Variants in RELN observed in about 807,000 individuals in gnomAD.
The protein encoded by RELN is reelin.
A neutral mutation model predicts 427.6 loss-of-function variants in RELN; 108 were observed. The observed-to-expected ratio is 0.25, with a 90% CI of 0.22 to 0.30. The LOEUF is 0.30. Ranked by LOEUF, RELN falls within the 10% of genes least tolerant of loss-of-function variation. The probability of loss-of-function intolerance (pLI) is 1.00; values close to 1 mark genes in which losing one functional copy is unlikely to be tolerated. For missense variants in RELN, 3,715 were observed against 4,302.8 expected, an observed-to-expected ratio of 0.86 and a Z score of 3.82; for synonymous variants, 1,524 against 1,513.4, an observed-to-expected ratio of 1.01 and a Z score of -0.16.
intron 29 of RELN, 52 bp downstream of exon 29, chr7:103,575,496 T>C (rs942751508): frequency 2.4e-5 from 37 of 1,539,144 alleles, no homozygotes; most frequent in Non-Finnish European, 3.1e-5. Flanking sequence ...ACACAGCAAC[T>C]AGAGATGACT....
At chr7:103,516,155 A>T (rs568679340) in intron 49 of RELN, among the ~76,000 whole-genome samples, 32 of 152,296 alleles carry the variant, frequency 2.1e-4, no homozygotes, top group African/African-American at 7.2e-4. Flanking sequence ...AATAAGGTCT[A>T]AAATGCCCTT....
Position 103,566,718 on chromosome 7 carries a change from G to A in RELN, c.4630C>T (p.His1544Tyr), listed in dbSNP as rs373010833. 1 of 1,614,102 alleles carries A rather than the reference G, an allele frequency of 6.2e-7. No homozygotes were observed. Among genetic ancestry groups the A allele is most frequent in the African/African-American group, 1.3e-5 (1 of 75,058 alleles). The change falls in exon 32 of 65, where the codon CAT (histidine) becomes TAT (tyrosine). Residue 1544 changes from histidine (H) to tyrosine (Y), a missense_variant. By Grantham distance (83) the His-to-Tyr change is moderately conservative. This residue lies in a region of RELN where 2,208 missense variants were observed against 2,361.7 expected (regional missense o/e 0.93). Coordinates refer to ENST00000428762, the MANE Select transcript of RELN (RefSeq NM_005045.4). The stretch of plus-strand genomic sequence containing the variant: ...ATGAAGTCCAACTCTCGAAGCAAAT[G>A]CCAGAGTATCCCATTGTCATTTGAA... Reference protein sequence around the residue: ...QYSNDNGILWHLLRELDFMSF... With the variant: ...QYSNDNGILWYLLRELDFMSF...
intron 64 of RELN, 173 bp from the exon 65 acceptor site, chr7:103,473,081 G>A (rs1586455392): frequency 1.4e-6 from 1 of 720,670 alleles, no homozygotes; most frequent in East Asian, 2.7e-5. Flanking sequence ...GGAACTAAAG[G>A]CTGGGACCTA....
At chr7:103,710,003 T>A (rs1789753541) in intron 8 of RELN, among the ~76,000 whole-genome samples, 1 of 152,174 alleles carries the variant, frequency 6.6e-6, no homozygotes, top group African/African-American at 2.4e-5. Context: ...GAAGGAAGTG[T>A]CAATAAGACA....
intron 22 of RELN, among the ~76,000 whole-genome samples, chr7:103,610,011 G>A (rs994616063): frequency 6.6e-6 from 1 of 152,116 alleles, no homozygotes; most frequent in Non-Finnish European, 1.5e-5. Context: ...GAGCTATACT[G>A]AGAATTCAGG....
In RELN at chr7:103,917,161, A is replaced by T. The variant is rs772223037; in HGVS notation, c.251T>A (p.Phe84Tyr). 6.2e-7 allele frequency: 1 copy of T among 1,613,762 alleles called. No individual in the cohort carries two copies. ...TAGTCCTGTCACCAGCAAGCCGTCA[A>T]AAAAGGTGCTTGTTGAAATTGTCAC... ...YHVTISTSTF[F>Y]DGLLVTGLYT... The change falls in exon 2 of 65, where the codon TTT (phenylalanine) becomes TAT (tyrosine). Residue 84 changes from phenylalanine (F) to tyrosine (Y), a missense_variant. This residue lies in a region of RELN where 2,208 missense variants were observed against 2,361.7 expected (regional missense o/e 0.93). Coordinates refer to ENST00000428762, the MANE Select transcript of RELN (RefSeq NM_005045.4).
intron 3 of RELN, among the ~76,000 whole-genome samples, chr7:103,817,969 A>G (rs1792919786): frequency 2.0e-5 from 3 of 151,222 alleles, no homozygotes; most frequent in African/African-American, 7.3e-5. Context: ...AAAGAAAAGA[A>G]AAAAAGTGAA....
chr7:103,519,802 G>A, intron 48 of RELN, among the ~76,000 whole-genome samples: 1 of 152,054 alleles, frequency 6.6e-6, no homozygotes, highest in East Asian at 1.9e-4. Context: ...CTTAACTCCT[G>A]GGCTCAAATG....
chr7:103,888,638 C>A (rs1260543475), intron 2 of RELN, among the ~76,000 whole-genome samples: 2 of 152,114 alleles, frequency 1.3e-5, no homozygotes, highest in Non-Finnish European at 2.9e-5. Context: ...ACTTGCCTGT[C>A]CTTGGCCTTC....
intron 11 of RELN, among the ~76,000 whole-genome samples, chr7:103,670,193 A>G (rs1014543665): frequency 6.6e-6 from 1 of 152,164 alleles, no homozygotes; most frequent in East Asian, 1.9e-4. Flanking sequence ...CCCACACTTC[A>G]ATACTTTTAA....
At chr7:103,972,357 T>G (rs1321264271) in intron 1 of RELN, among the ~76,000 whole-genome samples, 2 of 152,236 alleles carry the variant, frequency 1.3e-5, no homozygotes, top group Admixed American at 6.5e-5. Context: ...GAGACTGGAT[T>G]TAGAAACTAG....
chr7:103,896,708 A>G (rs1296506534), intron 2 of RELN, among the ~76,000 whole-genome samples: 1 of 152,044 alleles, frequency 6.6e-6, no homozygotes, highest in Non-Finnish European at 1.5e-5. Context: ...CTCACCTCAT[A>G]TATCCTTAAG....
Position 103,521,215 on chromosome 7 carries a change from A to G in RELN, c.7668+807T>C, listed in dbSNP as rs542263387. On this transcript the variant is annotated intron_variant, in intron 48 of 64. Coordinates refer to ENST00000428762, the MANE Select transcript of RELN (RefSeq NM_005045.4). ...AGGATGGTCTCGATCTCCTGACCTC[A>G]TGATCCACCCGCCTCGGCCTCCCAA... Among the ~76,000 whole-genome samples, 518 of 150,118 alleles carry G rather than the reference A, an allele frequency of 3.5e-3. 3 individuals are homozygous for G. The highest frequency in any genetic ancestry group is 0.012 in the African/African-American group (491 of 40,876).
At chr7:103,709,763 T>C (rs1789747186) in intron 8 of RELN, among the ~76,000 whole-genome samples, 1 of 152,168 alleles carries the variant, frequency 6.6e-6, no homozygotes, top group Non-Finnish European at 1.5e-5. Flanking sequence ...ATATTCCAAA[T>C]ATAAAAAAAT....
intron 2 of RELN, among the ~76,000 whole-genome samples, chr7:103,908,036 A>ATGAG (rs892003830): frequency 1.3e-5 from 2 of 152,012 alleles, no homozygotes; most frequent in African/African-American, 4.8e-5. Context: ...ACTCCCACTT[A>ATGAG]TGAGTGAGAA....
rs1387541674 is a variant in RELN at position 103,968,397 on chromosome 7, T to C, written c.226+20734A>G. Among the ~76,000 whole-genome samples, 1 of 152,146 alleles carries C rather than the reference T, an allele frequency of 6.6e-6. No individual in the cohort carries two copies. The highest frequency in any genetic ancestry group is 1.5e-5 in the Non-Finnish European group (1 of 68,020). ...CAGAGATGCTGCCTGGAACACCAAG[T>C]GCCCTTTCATCAGTTGGTTTGACAT... On this transcript the variant is annotated intron_variant, in intron 1 of 64. Coordinates refer to ENST00000428762, the MANE Select transcript of RELN (RefSeq NM_005045.4). This position sits in a 1 kb window ranked among gnomAD's most constrained non-coding sequence, Gnocchi z 4.3.
chr7:103,786,982 A>G (rs189471379), intron 3 of RELN, among the ~76,000 whole-genome samples: 13 of 152,038 alleles, frequency 8.6e-5, no homozygotes, highest in African/African-American at 3.1e-4. Context: ...TGGAAAAGAA[A>G]GGAAATCATA....
chr7:103,559,440 C>G (rs907677797), intron 36 of RELN, among the ~76,000 whole-genome samples: 3 of 152,182 alleles, frequency 2.0e-5, no homozygotes, highest in Non-Finnish European at 4.4e-5. Flanking sequence ...TATTTCTAGT[C>G]TTTGTTTTTT....
rs1832887041 is a variant in RELN, at chr7:103,650,310, C to T, written c.1966G>A (p.Gly656Arg). Residue 656 changes from glycine (G) to arginine (R), a missense_variant, in exon 16 of 65, where the codon GGA (glycine) becomes AGA (arginine). By Grantham distance (125) the Gly-to-Arg change is moderately radical (BLOSUM62 -2). Coordinates refer to ENST00000428762, the MANE Select transcript of RELN (RefSeq NM_005045.4). ...RNTRIRWRQTGPILGNMWAID... is the reference protein window; with the variant it reads ...RNTRIRWRQTRPILGNMWAID... ...GCCCACATGTTTCCAAGGATTGGTCCTGTTTGTCTCCAGCGAATCCTGGTG... is the reference window on the plus strand; with the variant it reads ...GCCCACATGTTTCCAAGGATTGGTCTTGTTTGTCTCCAGCGAATCCTGGTG... 2 of 1,612,198 alleles carry T rather than the reference C, an allele frequency of 1.2e-6. No homozygotes were observed. Among genetic ancestry groups the T allele is most frequent in the African/African-American group, 1.3e-5 (1 of 74,818 alleles).
Sources: allele counts gnomAD v4.1 joint callset (sites outside exome capture counted in the v4.1 genomes callset), GRCh38; gene constraint gnomAD v4.1.1; regional missense constraint gnomAD v4.1.1; non-coding constraint Gnocchi (gnomAD v3.1); transcripts MANE v1.5; gene names NCBI Gene and HGNC (gene_info 2026-07-23, HGNC 2026-07-21).